Variants in KIAA0319L observed in about 807,000 individuals in gnomAD.
The protein encoded by KIAA0319L is dyslexia-associated protein KIAA0319-like protein.
Under a neutral mutation model 120.1 loss-of-function variants are expected in KIAA0319L, and 55 were observed. The observed-to-expected ratio is 0.46, with a 90% CI of 0.37 to 0.57. The LOEUF is 0.57. Among genes scored for constraint, KIAA0319L ranks in the 20% least tolerant of loss-of-function variants. The probability of loss-of-function intolerance (pLI) is 0.00; values close to 1 mark genes in which losing one functional copy is unlikely to be tolerated. For synonymous variants in KIAA0319L, 398 were observed against 471.9 expected, an observed-to-expected ratio of 0.84 and a Z score of 2.03; for missense variants, 1,049 against 1,255.3, an observed-to-expected ratio of 0.84 and a Z score of 2.48.
At chr1:35,443,470 A>G (rs7539801) in intron 17 of KIAA0319L, 39,460 of 155,894 alleles carry the variant, frequency 0.25, 10,618 homozygotes, top group East Asian at 0.78. Context: ...TCAGGAGTTC[A>G]AGACCAGCCT....
At chr1:35,492,810 T>C (rs1260399261) in intron 3 of KIAA0319L, among the ~76,000 whole-genome samples, 1 of 152,166 alleles carries the variant, frequency 6.6e-6, no homozygotes, top group African/African-American at 2.4e-5. Context: ...CTTACAGACT[T>C]GTTGCTTTCA....
chr1:35,454,550 C>T (rs1570654741), intron 10 of KIAA0319L, 65 bp from the exon 11 acceptor site: 1 of 1,594,126 alleles, frequency 6.3e-7, no homozygotes. Context: ...ATAATTCCGA[C>T]TCTGGTAAAA....
chr1:35,507,268 G>C (rs1050323711), intron 2 of KIAA0319L, 133 bp from the exon 3 acceptor site: 19 of 792,604 alleles, frequency 2.4e-5, no homozygotes, highest in Non-Finnish European at 3.7e-5. Context: ...GCCATCTAGT[G>C]AGTGGAACAA....
At chr1:35,462,382 TA>T (rs904384156) in intron 8 of KIAA0319L, among the ~76,000 whole-genome samples, 3 of 152,316 alleles carry the variant, frequency 2.0e-5, no homozygotes, top group African/African-American at 7.2e-5. Flanking sequence ...TTCAGTTTCT[TA>T]CCATCTCAAA....
At chr1:35,448,386 C>A in intron 15 of KIAA0319L, 54 bp from the exon 16 acceptor site, 3 of 1,521,624 alleles carry the variant, frequency 2.0e-6, no homozygotes, top group South Asian at 1.2e-5. Context: ...TAAACACAGA[C>A]CTGCCACTGT....
At chr1:35,478,801 G>T (rs1489189333) in intron 4 of KIAA0319L, among the ~76,000 whole-genome samples, 165 bp downstream of exon 4, 1 of 152,224 alleles carries the variant, frequency 6.6e-6, no homozygotes, top group African/African-American at 2.4e-5. Flanking sequence ...GCTGAGGAAA[G>T]GCTCTAGAGC....
intron 1 of KIAA0319L, 122 bp from the exon 2 acceptor site, chr1:35,554,641 G>A (rs910047244): frequency 1.9e-5 from 11 of 591,400 alleles, no homozygotes; most frequent in African/African-American, 5.7e-5. Context: ...TGTCTTTAAC[G>A]GCTCAACCCT....
intron 4 of KIAA0319L, among the ~76,000 whole-genome samples, chr1:35,478,056 T>A (rs1643979687): frequency 6.6e-6 from 1 of 152,050 alleles, no homozygotes. Context: ...TACAATGGAG[T>A]ACTACTCAGC....
intron 2 of KIAA0319L, among the ~76,000 whole-genome samples, chr1:35,544,740 A>G (rs968111650): frequency 6.6e-6 from 1 of 152,212 alleles, no homozygotes; most frequent in African/African-American, 2.4e-5. Flanking sequence ...ACAACTAATT[A>G]AAGTAGACTT....
At chr1:35,551,893 C>T (rs1047919385) in intron 2 of KIAA0319L, among the ~76,000 whole-genome samples, 2 of 152,170 alleles carry the variant, frequency 1.3e-5, no homozygotes, top group African/African-American at 4.8e-5. Context: ...AAGCACCAAG[C>T]TCAAGGTTAC....
chr1:35,498,382 G>T (rs1644889159), intron 3 of KIAA0319L, among the ~76,000 whole-genome samples: 1 of 151,724 alleles, frequency 6.6e-6, no homozygotes, highest in South Asian at 2.1e-4. Context: ...AATTTTTAGG[G>T]GATAATAAAG....
At chr1:35,478,556 CA>C (rs771029810) in intron 4 of KIAA0319L, among the ~76,000 whole-genome samples, 2 of 151,674 alleles carry the variant, frequency 1.3e-5, no homozygotes, top group Non-Finnish European at 2.9e-5. Context: ...TATATATCCA[CA>C]AAAATTAAAA....
intron 6 of KIAA0319L, among the ~76,000 whole-genome samples, chr1:35,469,770 A>G (rs1643497452): frequency 6.6e-6 from 1 of 151,980 alleles, no homozygotes; most frequent in Non-Finnish European, 1.5e-5. Flanking sequence ...CATTAAAATT[A>G]TAACTAATTC....
chr1:35,536,267 AC>A (rs2148481024), intron 2 of KIAA0319L, among the ~76,000 whole-genome samples: 1 of 152,380 alleles, frequency 6.6e-6, no homozygotes, highest in African/African-American at 2.4e-5. Context: ...CAGCTGGGAA[AC>A]AGCCTTTCCT....
In KIAA0319L at chr1:35,442,900, A is replaced by T. The variant is rs1467904909; in HGVS notation, c.2779+6T>A. The T allele has an allele frequency of 1.9e-6, 3 of 1,613,806 alleles. No individual in the cohort carries two copies. In the African/African-American group the frequency reaches 4.0e-5, roughly 22 times the overall value. Reference sequence around the variant, plus strand: ...AGGCTGGCACTGTGCCACATAGAAAACTCACCACAGTTGCTGTCTCCATCC... The same window carrying T: ...AGGCTGGCACTGTGCCACATAGAAATCTCACCACAGTTGCTGTCTCCATCC... On this transcript the variant is annotated splice_donor_region_variant and intron_variant, in intron 18 of 20. Coordinates refer to ENST00000325722, the MANE Select transcript of KIAA0319L (RefSeq NM_024874.5).
chr1:35,539,643 C>A (rs773587090), intron 2 of KIAA0319L, among the ~76,000 whole-genome samples: 4 of 152,218 alleles, frequency 2.6e-5, no homozygotes, highest in Admixed American at 1.3e-4. Context: ...GATTACTCAA[C>A]TTTCTGAGAT....
chr1:35,544,165 C>T (rs981741572), intron 2 of KIAA0319L, among the ~76,000 whole-genome samples: 29 of 152,012 alleles, frequency 1.9e-4, no homozygotes, highest in Non-Finnish European at 3.4e-4. Flanking sequence ...CTCAGGAGTT[C>T]GAGACCAGCC....
chr1:35,477,300 A>C (rs1033641960), intron 4 of KIAA0319L, among the ~76,000 whole-genome samples: 4 of 152,242 alleles, frequency 2.6e-5, no homozygotes, highest in Non-Finnish European at 4.4e-5. Context: ...TCTCAAAAGA[A>C]GACCTACAAA....
At chr1:35,481,969 C>T (rs1000113533) in intron 3 of KIAA0319L, among the ~76,000 whole-genome samples, 8 of 151,888 alleles carry the variant, frequency 5.3e-5, no homozygotes, top group Middle Eastern at 6.8e-3. Context: ...GGACTACAGG[C>T]GCCCGCCACC....
Sources: allele counts gnomAD v4.1 joint callset (sites outside exome capture counted in the v4.1 genomes callset), GRCh38; gene constraint gnomAD v4.1.1; transcripts MANE v1.5; gene names NCBI Gene and HGNC (gene_info 2026-07-23, HGNC 2026-07-21).